The following TOMM70 variants were observed in gnomAD, a reference collection of about 807,000 sequenced individuals.
The protein encoded by TOMM70 is mitochondrial import receptor subunit TOM70.
In TOMM70, 13 loss-of-function variants were observed where a neutral mutation model predicts 73.6. The ratio of observed to expected loss-of-function variants is 0.18; its 90% CI spans 0.11 to 0.28. TOMM70 has a LOEUF of 0.28. TOMM70 is among the 10% of genes least tolerant of loss of function. The pLI is 1.00. For synonymous variants in TOMM70, 257 were observed against 271.2 expected, an observed-to-expected ratio of 0.95 and a Z score of 0.51; for missense variants, 609 against 747.5, an observed-to-expected ratio of 0.81 and a Z score of 2.16.
At chr3:100,376,545 C>T (rs1378683433) in intron 6 of TOMM70, among the ~76,000 whole-genome samples, 1 of 151,538 alleles carries the variant, frequency 6.6e-6, no homozygotes, top group East Asian at 1.9e-4. Context: ...CAGGCATGAG[C>T]CACCACCCCA....
At chr3:100,376,557 C>A (rs749042917) in intron 6 of TOMM70, among the ~76,000 whole-genome samples, 1 of 151,366 alleles carries the variant, frequency 6.6e-6, no homozygotes, top group South Asian at 2.1e-4. Context: ...ACCACCCCAG[C>A]CAAGCACAGA....
intron 9 of TOMM70, chr3:100,372,016 G>T (rs964353492): frequency 3.3e-5 from 5 of 152,184 alleles, no homozygotes; most frequent in African/African-American, 1.2e-4. Context: ...GTCATTCAGA[G>T]ATCTTTTATT....
Position 100,377,758 on chromosome 3 carries a change from C to T in TOMM70, c.1039G>A (p.Ala347Thr). Residue 347 changes from alanine (A) to threonine (T), a missense_variant, in exon 6 of 12, where the codon GCA becomes ACA. Transcript: ENST00000284320. The stretch of plus-strand genomic sequence containing the variant: ...ACTTTATCTAAATCTGGTTTGGCTG[C>T]ATTGGCATTGCCAATAAGCAGGTAG... ...TFYLLIGNANAAKPDLDKVIS... is the reference protein window; with the variant it reads ...TFYLLIGNANTAKPDLDKVIS... 6.2e-7 allele frequency: 1 copy of T among 1,614,206 alleles called. No homozygotes were observed. The highest frequency in any genetic ancestry group is 8.5e-7 in the Non-Finnish European group (1 of 1,180,038).
rs761105503 is a variant in TOMM70, at chr3:100,365,544, C to T, written c.*20G>A. The T allele has an allele frequency of 6.2e-7, 1 of 1,613,896 alleles. No homozygotes were observed. The highest frequency in any genetic ancestry group is 8.5e-7 in the Non-Finnish European group (1 of 1,179,840). On this transcript the variant is annotated 3_prime_UTR_variant, in exon 12 of 12. Transcript: ENST00000284320. Reference sequence around the variant, plus strand: ...GGGGGTAAACTTTTAAAAAGAGGGTCAGTCTGCTTTCCCCCTGTTTTATAA... The same window carrying T: ...GGGGGTAAACTTTTAAAAAGAGGGTTAGTCTGCTTTCCCCCTGTTTTATAA...
At chr3:100,382,843 T>A (rs2148892018) in intron 4 of TOMM70, among the ~76,000 whole-genome samples, 1 of 152,296 alleles carries the variant, frequency 6.6e-6, no homozygotes, top group East Asian at 1.9e-4. Context: ...TTCTGCCACT[T>A]ATTAGCTATG....
At chr3:100,378,748 T>C (rs976690810) in intron 5 of TOMM70, among the ~76,000 whole-genome samples, 5 of 152,226 alleles carry the variant, frequency 3.3e-5, no homozygotes, top group African/African-American at 1.2e-4. Context: ...GGCTCACGCC[T>C]GTAATCCCAG....
chr3:100,399,734 ATTT>A lies in TOMM70; in HGVS notation c.324+889_324+891del, dbSNP rs34524680. Among the ~76,000 whole-genome samples, 429 of 126,034 alleles carry A rather than the reference ATTT, an allele frequency of 3.4e-3. 5 individuals carry two copies. The highest frequency in any genetic ancestry group is 0.012 in the African/African-American group (397 of 34,056). 82.7% of individuals were successfully genotyped at this position (126,034 alleles called of 152,430 possible). A position where few individuals can be genotyped will look rare whatever the true frequency, so the allele number is the denominator to read the frequency against. ...TCAAAAAGTTTAAGAAGTCACTCCC[ATTT>A]TTTTTTTTTTTTTTTTTGTATGTGT... On this transcript the variant is annotated intron_variant, in intron 1 of 11. Coordinates refer to ENST00000284320, the MANE Select transcript of TOMM70 (RefSeq NM_014820.5).
chr3:100,376,203 A>G (rs1262347491), intron 6 of TOMM70, among the ~76,000 whole-genome samples: 1 of 152,076 alleles, frequency 6.6e-6, no homozygotes, highest in Non-Finnish European at 1.5e-5. Context: ...AGAAATGTGT[A>G]TTCAGATCCT....
chr3:100,378,851 A>G (rs922693375), intron 5 of TOMM70, among the ~76,000 whole-genome samples: 2 of 152,050 alleles, frequency 1.3e-5, no homozygotes, highest in Non-Finnish European at 2.9e-5. Flanking sequence ...ATAAAAATAC[A>G]AAAAAATTAG....
At chr3:100,394,380 A>G (rs1338098670) in intron 1 of TOMM70, among the ~76,000 whole-genome samples, 1 of 108,666 alleles carries the variant, frequency 9.2e-6, no homozygotes, top group African/African-American at 5.7e-5. Flanking sequence ...TTTTTTTTTG[A>G]GATAGAGTTT....
rs1234642768 is a variant in TOMM70 at position 100,365,684 on chromosome 3, G to A, written c.1707C>T (p.Asn569=). Residue 569 remains asparagine, a synonymous_variant, in exon 12 of 12, where the codon AAC becomes AAT. Coordinates refer to ENST00000284320, the MANE Select transcript of TOMM70 (RefSeq NM_014820.5). ...CCGATTTGGCCAGGTTAATAGCTTTGTTGAACATGTCAATGGCTTTCTCCA... is the reference window on the plus strand; with the variant it reads ...CCGATTTGGCCAGGTTAATAGCTTTATTGAACATGTCAATGGCTTTCTCCA... The part of the protein sequence containing the change: ...GNMEKAIDMF[N]KAINLAKSEM... The A allele has an allele frequency of 1.2e-5, 19 of 1,614,040 alleles. No individual in the cohort carries two copies. Among genetic ancestry groups the A allele is most frequent in the Non-Finnish European group, 1.6e-5 (19 of 1,180,024 alleles).
intron 1 of TOMM70, among the ~76,000 whole-genome samples, chr3:100,387,454 C>A (rs1310069377): frequency 6.6e-6 from 1 of 151,642 alleles, no homozygotes; most frequent in Non-Finnish European, 1.5e-5. Context: ...CTCCGCCTGC[C>A]CCCCCAAAAA....
intron 9 of TOMM70, 91 bp downstream of exon 9, chr3:100,372,515 C>G (rs926719037): frequency 9.7e-7 from 1 of 1,032,992 alleles, no homozygotes; most frequent in Non-Finnish European, 1.4e-6. Context: ...TCCAAAGAAG[C>G]TGCAACCATG....
intron 9 of TOMM70, among the ~76,000 whole-genome samples, chr3:100,370,155 A>G (rs1706493325): frequency 6.6e-6 from 1 of 152,232 alleles, no homozygotes. Context: ...TAAAAATCAG[A>G]AAGATATAGA....
rs1387443736 is a variant in TOMM70, at chr3:100,377,646, C to CATA, written c.1092+56_1092+58dup. 26 of 1,539,566 alleles carry CATA rather than the reference C, an allele frequency of 1.7e-5. No homozygotes were observed. The South Asian group carries it at 3.0e-4, about 17-fold the overall frequency. On this transcript the variant is annotated intron_variant, in intron 6 of 11. Transcript: ENST00000284320. ...AAATGCTTTAAAAAATCTGGCAAAA[C>CATA]ATAATGAAAGGCATCGCCTTCTATT...
intron 4 of TOMM70, among the ~76,000 whole-genome samples, chr3:100,383,298 G>C (rs1364437639): frequency 6.6e-6 from 1 of 152,082 alleles, no homozygotes; most frequent in Non-Finnish European, 1.5e-5. Flanking sequence ...GAGGAAGTTG[G>C]ACGGCTTGAG....
intron 1 of TOMM70, among the ~76,000 whole-genome samples, chr3:100,391,011 G>A (rs1265059956): frequency 6.7e-6 from 1 of 148,940 alleles, no homozygotes; most frequent in Non-Finnish European, 1.5e-5. Context: ...TGTGGTGGTG[G>A]GCGCCTGTAG....
intron 5 of TOMM70, 76 bp downstream of exon 5, chr3:100,381,539 G>T: frequency 7.2e-7 from 1 of 1,394,818 alleles, no homozygotes; most frequent in Non-Finnish European, 9.7e-7. Flanking sequence ...AGATGGCTCA[G>T]AACCCATATG....
intron 9 of TOMM70, 26 bp downstream of exon 9, chr3:100,372,580 T>C (rs748344554): frequency 2.5e-6 from 4 of 1,574,476 alleles, no homozygotes; most frequent in Middle Eastern, 1.7e-4. Context: ...TGCAGTTATT[T>C]TTAAAAAACC....
Sources: gnomAD v4.1 joint callset for allele counts (sites outside exome capture counted in the v4.1 genomes callset) on GRCh38, gnomAD v4.1.1 for gene constraint, MANE v1.5 for transcripts, NCBI Gene and HGNC (gene_info 2026-07-23, HGNC 2026-07-21) for gene names.